NAV2: variants seen among roughly 807,000 people sequenced by gnomAD.
NAV2 encodes the protein helicase, APC down-regulated 1.
NAV2 carries 54 observed loss-of-function variants against 223.2 expected under a neutral mutation model. The observed-to-expected ratio is 0.24, with a 90% confidence interval of 0.19 to 0.30. The LOEUF is 0.30. Among genes scored for constraint, NAV2 ranks in the 10% least tolerant of loss-of-function variants. The probability of loss-of-function intolerance (pLI) is 1.00; values close to 1 mark genes in which losing one functional copy is unlikely to be tolerated. For synonymous variants in NAV2, 1,279 were observed against 1,239.3 expected (o/e 1.03, Z -0.67); for missense variants, 2,806 against 3,147.5 (o/e 0.89, Z 2.60).
chr11:19,721,481 G>A (rs1325586548), intron 1 of NAV2, among the ~76,000 whole-genome samples: 1 of 152,192 alleles, frequency 6.6e-6, no homozygotes, highest in Non-Finnish European at 1.5e-5. Flanking sequence ...TCACTTGTTG[G>A]CATGAGGAAG....
chr11:19,564,749 C>A lies in NAV2; in HGVS notation c.75+213722C>A, dbSNP rs141170918. 6.0e-3 allele frequency among the ~76,000 whole-genome samples: 910 copies of A among 152,330 alleles called. 15 individuals are homozygous for A. Among genetic ancestry groups the A allele is most frequent in the African/African-American group, 0.021 (868 of 41,576 alleles). ...GTGCTATTCTGTACCTCCCACCGGGCTCCCCAGGAGCATGTCACAGAGGGG... is the reference window on the plus strand; with the variant it reads ...GTGCTATTCTGTACCTCCCACCGGGATCCCCAGGAGCATGTCACAGAGGGG... On this transcript the variant is annotated intron_variant, in intron 1 of 37. Transcript: ENST00000360655.
At chr11:19,996,309 A>C (rs1443361332) in intron 11 of NAV2, among the ~76,000 whole-genome samples, 1 of 152,196 alleles carries the variant, frequency 6.6e-6, no homozygotes, top group Non-Finnish European at 1.5e-5. Flanking sequence ...AGCATCCCCT[A>C]GGGCCTAGCA....
At chr11:19,901,641 C>T (rs7120187) in intron 6 of NAV2, among the ~76,000 whole-genome samples, 33,782 of 151,950 alleles carry the variant, frequency 0.22, 4,137 homozygotes, top group East Asian at 0.44. Context: ...CAGACAAATG[C>T]CTAGCACATA....
At chr11:19,928,790 G>A (rs147238766) in intron 6 of NAV2, among the ~76,000 whole-genome samples, 2 of 152,290 alleles carry the variant, frequency 1.3e-5, no homozygotes, top group East Asian at 1.9e-4. Context: ...AACAAATGGG[G>A]CAACTGAAGC....
intron 25 of NAV2, among the ~76,000 whole-genome samples, chr11:20,080,613 T>A (rs1192169511): frequency 6.6e-6 from 1 of 152,200 alleles, no homozygotes; most frequent in Non-Finnish European, 1.5e-5. Flanking sequence ...TTAGCCGTAA[T>A]CTTTATCTAT....
intron 1 of NAV2, among the ~76,000 whole-genome samples, chr11:19,764,938 A>G (rs1269726208): frequency 6.6e-6 from 1 of 152,146 alleles, no homozygotes; most frequent in Non-Finnish European, 1.5e-5. Flanking sequence ...TCAGTTGCAC[A>G]TCTTTGCCAA....
chr11:19,859,691 G>A (rs2061584456), intron 3 of NAV2, among the ~76,000 whole-genome samples: 2 of 151,798 alleles, frequency 1.3e-5, no homozygotes, highest in African/African-American at 4.8e-5. Flanking sequence ...CGGGCAGAGG[G>A]GCTCCTCACT....
At chr11:19,961,937 A>C (rs1273943851) in intron 10 of NAV2, among the ~76,000 whole-genome samples, 2 of 151,968 alleles carry the variant, frequency 1.3e-5, no homozygotes, top group African/African-American at 4.8e-5. Context: ...TCTCCAGAGA[A>C]ACGAAACCAA....
intron 11 of NAV2, among the ~76,000 whole-genome samples, chr11:20,026,143 C>A (rs1345204824): frequency 2.0e-5 from 3 of 152,090 alleles, no homozygotes; most frequent in African/African-American, 7.2e-5. Flanking sequence ...ATTAGTGGTA[C>A]TAGATGAGAC....
chr11:19,438,100 A>C (rs529582028), intron 1 of NAV2, among the ~76,000 whole-genome samples: 21 of 152,140 alleles, frequency 1.4e-4, no homozygotes, highest in Non-Finnish European at 2.8e-4. Flanking sequence ...GCCTCACCTG[A>C]CTTCTGATCC....
At chr11:19,442,384 G>C (rs1460112970) in intron 1 of NAV2, among the ~76,000 whole-genome samples, 1 of 152,236 alleles carries the variant, frequency 6.6e-6, no homozygotes, top group Admixed American at 6.5e-5. Context: ...GAGTTCTTGT[G>C]ATAAGGCTGG....
intron 1 of NAV2, among the ~76,000 whole-genome samples, chr11:19,409,826 T>C (rs544784870): frequency 1.3e-5 from 2 of 152,238 alleles, no homozygotes; most frequent in African/African-American, 2.4e-5. Context: ...GTTGTAGAGC[T>C]GGTATTTGAA....
intron 1 of NAV2, among the ~76,000 whole-genome samples, chr11:19,807,522 C>G (rs1385863837): frequency 6.6e-6 from 1 of 152,240 alleles, no homozygotes; most frequent in East Asian, 1.9e-4. Context: ...ATTCCTTGCC[C>G]CAATGGTGGG....
chr11:19,717,305 C>T (rs1351049667), intron 1 of NAV2, among the ~76,000 whole-genome samples: 2 of 152,318 alleles, frequency 1.3e-5, no homozygotes, highest in Non-Finnish European at 2.9e-5. Flanking sequence ...AGTTGGGAGG[C>T]ATAACTGATA....
intron 7 of NAV2, among the ~76,000 whole-genome samples, chr11:19,934,992 G>A (rs1239435191): frequency 6.6e-6 from 1 of 152,148 alleles, no homozygotes; most frequent in Non-Finnish European, 1.5e-5. Context: ...TGGTGCTGCT[G>A]CTCTGTGTGA....
chr11:19,882,072 G>T (rs1035979538), intron 5 of NAV2, among the ~76,000 whole-genome samples: 5 of 152,168 alleles, frequency 3.3e-5, no homozygotes, highest in Admixed American at 6.5e-5. Flanking sequence ...CCATTCTAAG[G>T]GTGACAGGAA....
At chr11:19,865,406 A>G (rs1364785766) in intron 3 of NAV2, among the ~76,000 whole-genome samples, 2 of 152,190 alleles carry the variant, frequency 1.3e-5, no homozygotes, top group East Asian at 3.8e-4. Flanking sequence ...TAATCACAAG[A>G]GGGCCTGGAT....
chr11:19,838,562 T>G lies in NAV2; in HGVS notation c.386-4309T>G, dbSNP rs530695494. On this transcript the variant is annotated intron_variant, in intron 2 of 37. Transcript: ENST00000349880. ...AGAACAAGGGCCAGTGGTTGAAGAG[T>G]TGATTTTTCAGGCTGAGAAGTAACA... Among the ~76,000 whole-genome samples the G allele has an allele frequency of 1.1e-4, 17 of 152,218 alleles. No homozygotes were observed. The Middle Eastern group carries it at 0.017, about 152-fold the overall frequency.
chr11:19,412,149 A>G (rs1019564059), intron 1 of NAV2, among the ~76,000 whole-genome samples: 3 of 152,194 alleles, frequency 2.0e-5, no homozygotes, highest in Non-Finnish European at 2.9e-5. Context: ...ACCCCCACAG[A>G]GCCCAGCAAG....
Sources: gnomAD v4.1 joint callset for allele counts (sites outside exome capture counted in the v4.1 genomes callset) on GRCh38, gnomAD v4.1.1 for gene constraint, MANE v1.5 for transcripts, NCBI Gene and HGNC (gene_info 2026-07-23, HGNC 2026-07-21) for gene names.